Variants in TTC28 observed in about 807,000 individuals in gnomAD.
TTC28 encodes the protein tetratricopeptide repeat protein 28.
A neutral mutation model predicts 198.0 loss-of-function variants in TTC28; 61 were observed. That is an observed-to-expected ratio of 0.31 (90% CI 0.25 to 0.38). The LOEUF is 0.38. Among genes scored for constraint, TTC28 ranks in the 10% least tolerant of loss-of-function variants. TTC28 has a pLI of 1.00. For synonymous variants in TTC28, 1,171 were observed against 1,297.8 expected, an observed-to-expected ratio of 0.90 and a Z score of 2.10; for missense variants, 2,678 against 3,164.0, an observed-to-expected ratio of 0.85 and a Z score of 3.69.
intron 5 of TTC28, among the ~76,000 whole-genome samples, chr22:28,183,167 C>T (rs1166262324): frequency 1.3e-5 from 2 of 151,828 alleles, no homozygotes; most frequent in African/African-American, 4.8e-5. Flanking sequence ...CAAGTGGTTC[C>T]CCCCACCTCA....
At chr22:28,124,934 T>C (rs1483881317) in intron 6 of TTC28, among the ~76,000 whole-genome samples, 2 of 152,230 alleles carry the variant, frequency 1.3e-5, no homozygotes, top group Non-Finnish European at 2.9e-5. Context: ...ACCAGTCTCA[T>C]TTTCCATGTC....
chr22:28,329,218 T>C (rs548096250), intron 2 of TTC28, among the ~76,000 whole-genome samples: 54 of 152,242 alleles, frequency 3.5e-4, no homozygotes, highest in African/African-American at 1.3e-3. Context: ...TGTGTGTGCA[T>C]ATATATATAC....
intron 2 of TTC28, among the ~76,000 whole-genome samples, chr22:28,437,571 G>T (rs1288299880): frequency 5.9e-5 from 9 of 151,900 alleles, no homozygotes; most frequent in Non-Finnish European, 2.9e-5. Flanking sequence ...GAACAGATAT[G>T]CATTTTTTTT....
chr22:28,199,474 C>T (rs1227167727), intron 5 of TTC28, among the ~76,000 whole-genome samples: 1 of 142,364 alleles, frequency 7.0e-6, no homozygotes, highest in Non-Finnish European at 1.5e-5. Context: ...TGCCACTGTA[C>T]TCCAGCCTGT....
chr22:28,296,081 C>A, intron 5 of TTC28, 117 bp downstream of exon 5: 4 of 1,139,122 alleles, frequency 3.5e-6, no homozygotes, highest in Non-Finnish European at 4.8e-6. Context: ...TCAAGTAATA[C>A]TTTCTTCTGA....
intron 2 of TTC28, among the ~76,000 whole-genome samples, chr22:28,556,419 T>G (rs2049787426): frequency 6.6e-6 from 1 of 152,176 alleles, no homozygotes; most frequent in African/African-American, 2.4e-5. Context: ...TATATAACAC[T>G]AGGCCAACTG....
chr22:28,492,038 C>T (rs1601464815), intron 2 of TTC28, among the ~76,000 whole-genome samples: 3 of 151,298 alleles, frequency 2.0e-5, no homozygotes, highest in Middle Eastern at 6.8e-3. Context: ...CATGTTTTCA[C>T]TCATAGGTGA....
At chr22:28,574,990 T>C (rs2050123291) in intron 2 of TTC28, among the ~76,000 whole-genome samples, 1 of 152,206 alleles carries the variant, frequency 6.6e-6, no homozygotes, top group African/African-American at 2.4e-5. Flanking sequence ...CTCTTCACTT[T>C]CTAGATTGTT....
At chr22:28,035,934 G>C (rs1939323145) in intron 12 of TTC28, among the ~76,000 whole-genome samples, 1 of 152,188 alleles carries the variant, frequency 6.6e-6, no homozygotes, top group Non-Finnish European at 1.5e-5. Context: ...AACAAGAAGA[G>C]CTGACTCTCC....
At chr22:28,067,315 C>T (rs914702177) in intron 12 of TTC28, among the ~76,000 whole-genome samples, 2 of 152,102 alleles carry the variant, frequency 1.3e-5, no homozygotes, top group African/African-American at 4.8e-5. Context: ...ATCTCTGTAG[C>T]CCCAATACTC....
chr22:28,269,620 T>C (rs979669196), intron 5 of TTC28, among the ~76,000 whole-genome samples: 6 of 152,198 alleles, frequency 3.9e-5, no homozygotes, highest in Admixed American at 1.3e-4. Flanking sequence ...CATGTAACCC[T>C]GGGCTGCAAG....
At chr22:28,159,520 G>A (rs1943836454) in intron 6 of TTC28, among the ~76,000 whole-genome samples, 1 of 152,082 alleles carries the variant, frequency 6.6e-6, no homozygotes, top group African/African-American at 2.4e-5. Context: ...GCTGGGCGTG[G>A]TGGCGTGAGC....
chr22:28,212,823 C>CCAAA (rs1927095395), intron 5 of TTC28, among the ~76,000 whole-genome samples: 1 of 3,006 alleles, frequency 3.3e-4, no homozygotes, highest in Non-Finnish European at 7.9e-4. Context: ...AGAGATACAA[C>CCAAA]AAAGAGAATT....
chr22:28,565,181 T>C lies in TTC28; in HGVS notation c.381+64371A>G, dbSNP rs377276371. On this transcript the variant is annotated intron_variant, in intron 2 of 22. Transcript: ENST00000397906. ...TTACTCTCATAAGCTGGGAAGACAATAGAAACAATATACCTAGGTAAGACA... is the reference window on the plus strand; with the variant it reads ...TTACTCTCATAAGCTGGGAAGACAACAGAAACAATATACCTAGGTAAGACA... Among the ~76,000 whole-genome samples the C allele has an allele frequency of 1.1e-3, 162 of 151,742 alleles. 1 individual carries two copies. Among genetic ancestry groups the C allele is most frequent in the African/African-American group, 3.8e-3 (158 of 41,406 alleles).
chr22:28,368,491 A>G (rs113080634), intron 2 of TTC28, among the ~76,000 whole-genome samples: 1 of 152,260 alleles, frequency 6.6e-6, no homozygotes, highest in Non-Finnish European at 1.5e-5. Context: ...AGAACATGAC[A>G]AGGTTGCCTA....
At chr22:28,086,169 G>C (rs1235782751) in intron 12 of TTC28, among the ~76,000 whole-genome samples, 2 of 152,034 alleles carry the variant, frequency 1.3e-5, no homozygotes, top group African/African-American at 4.8e-5. Context: ...GGACCTAATA[G>C]ACATCTACAG....
chr22:28,590,163 T>C (rs2050401328), intron 2 of TTC28, among the ~76,000 whole-genome samples: 1 of 149,162 alleles, frequency 6.7e-6, no homozygotes. Flanking sequence ...AGTCTCTCTC[T>C]GTCGCCCAGG....
intron 2 of TTC28, among the ~76,000 whole-genome samples, chr22:28,546,274 C>T (rs1377907851): frequency 1.3e-5 from 2 of 152,042 alleles, no homozygotes; most frequent in African/African-American, 2.4e-5. Flanking sequence ...GGTGAGACCC[C>T]GTCTCTATTA....
chr22:28,014,178 C>T (rs545158588), intron 14 of TTC28, 70 bp downstream of exon 14: 5 of 1,486,360 alleles, frequency 3.4e-6, no homozygotes, highest in African/African-American at 2.8e-5. Context: ...AAGAGGGATA[C>T]ATGTGGGCGC....
Sources: allele counts gnomAD v4.1 joint callset (sites outside exome capture counted in the v4.1 genomes callset), GRCh38; gene constraint gnomAD v4.1.1; transcripts MANE v1.5; gene names NCBI Gene and HGNC (gene_info 2026-07-23, HGNC 2026-07-21).